Variants in EGFL6 observed in about 807,000 individuals in gnomAD.
The protein encoded by EGFL6 is EGF like domain multiple 6.
EGFL6 carries 42 observed loss-of-function variants against 43.1 expected under a neutral mutation model. That is an observed-to-expected ratio of 0.98 (90% CI 0.76 to 1.26). The LOEUF (loss-of-function observed/expected upper bound fraction) is 1.26. Ranked by LOEUF, EGFL6 falls within the 50% of genes most tolerant of loss-of-function variation. The pLI is 0.00. For missense variants in EGFL6, 429 were observed against 427.8 expected (o/e 1.00, Z -0.02); for synonymous variants, 164 against 163.2 (o/e 1.01, Z -0.04).
intron 1 of EGFL6, among the ~76,000 whole-genome samples, chrX:13,572,528 T>C (rs183288030): frequency 1.8e-5 from 2 of 112,455 alleles, no homozygotes; most frequent in East Asian, 5.5e-4. Context: ...GAACTCCATC[T>C]CGAGTGTTCT....
At chrX:13,616,571 C>T (rs1312904006) in intron 7 of EGFL6, among the ~76,000 whole-genome samples, 1 of 108,788 alleles carries the variant, frequency 9.2e-6, no homozygotes, top group Non-Finnish European at 1.9e-5. Context: ...GATCATGCCA[C>T]TGCACTCCAG....
chrX:13,606,976 T>C (rs1200898325), intron 6 of EGFL6, among the ~76,000 whole-genome samples: 1 of 112,012 alleles, frequency 8.9e-6, no homozygotes, highest in Non-Finnish European at 1.9e-5. Context: ...ATGAGAGACA[T>C]GAAGGCCTAT....
rs1179700437 is a variant in EGFL6 at position 13,577,319 on chromosome X, TATATATATATATATATATATATACATAC to T, written c.74+7386_74+7413del. ...AATTTTATATATATATATATATATA[TATATATATATATATATATATATACATAC>T]ACACACACACATACAGTATAGCATT... On this transcript the variant is annotated intron_variant, in intron 1 of 11. Transcript: ENST00000361306. Among the ~76,000 whole-genome samples the T allele has an allele frequency of 5.0e-4, 9 of 18,002 alleles. No individual in the cohort carries two copies. The East Asian group carries it at 0.024, about 49-fold the overall frequency. 15.6% of individuals were successfully genotyped at this position (18,002 alleles called of 115,157 possible).
At chrX:13,616,196 C>A (rs186922616) in intron 7 of EGFL6, among the ~76,000 whole-genome samples, 2 of 111,283 alleles carry the variant, frequency 1.8e-5, no homozygotes, top group African/African-American at 6.5e-5. Context: ...TGAGTATATC[C>A]CTGAAAAGGA....
intron 1 of EGFL6, among the ~76,000 whole-genome samples, chrX:13,589,092 C>T (rs1441184178): frequency 1.8e-5 from 2 of 111,880 alleles, no homozygotes; most frequent in South Asian, 3.8e-4. Flanking sequence ...CTTTGCTGAA[C>T]GAGCCCTTCC....
chrX:13,627,075 A>C lies in EGFL6; in HGVS notation c.1350A>C (p.Lys450Asn), dbSNP rs751340519. The change falls in exon 11 of 12, where the codon AAA becomes AAC. Residue 450 changes from lysine (K) to asparagine (N), a missense_variant. Physicochemically the swap from Lys to Asn is moderately conservative, Grantham distance 94. Transcript: ENST00000361306. The stretch of plus-strand genomic sequence containing the variant: ...ACAAGAAAGACATTGGCCGATTGAA[A>C]CTTCTCCTACCTGACCTGCAACCCC... ...AGHKKDIGRL[K>N]LLLPDLQPQS... 35 of 1,210,592 alleles carry C rather than the reference A, an allele frequency of 2.9e-5. No individual in the cohort carries two copies. The East Asian group carries it at 3.8e-4, about 13-fold the overall frequency.
chrX:13,595,054 G>A, intron 3 of EGFL6, 126 bp downstream of exon 3: 3 of 422,500 alleles, frequency 7.1e-6, no homozygotes, highest in Non-Finnish European at 7.5e-6. Flanking sequence ...GGTGCTTTCA[G>A]GACAAGTTTT....
intron 10 of EGFL6, among the ~76,000 whole-genome samples, chrX:13,624,365 T>C (rs2045767194): frequency 8.9e-6 from 1 of 111,910 alleles, no homozygotes; most frequent in South Asian, 3.7e-4. Context: ...CCTGGTGTTT[T>C]AGTAGAGTGG....
chrX:13,607,434 C>T (rs5934118), intron 6 of EGFL6, among the ~76,000 whole-genome samples: 11,252 of 111,525 alleles, frequency 0.1, 541 homozygotes, highest in African/African-American at 0.19. Context: ...TTCGAACCAT[C>T]TTGTGAAGCC....
rs928919328 is a variant in EGFL6, at chrX:13,593,071, C to T, written c.188-1765C>T. Among the ~76,000 whole-genome samples the T allele has an allele frequency of 8.2e-5, 9 of 109,517 alleles. No homozygotes were observed. In the South Asian group the frequency reaches 1.2e-3, roughly 15 times the overall value. ...CTAGGATTACAGGTGCCCGCCACCA[C>T]GCCTGGCTAATTTTTGTATTTTTAG... On this transcript the variant is annotated intron_variant, in intron 2 of 11. Transcript: ENST00000361306.
At position 13,617,770 on chromosome X, in the gene EGFL6, T is replaced by A; in HGVS notation, c.819T>A (p.Pro273=). 8.3e-7 allele frequency: 1 copy of A among 1,211,572 alleles called. No individual in the cohort carries two copies. The highest frequency in any genetic ancestry group is 1.1e-6 in the Non-Finnish European group (1 of 895,360). ...CTGTGAAGGAAGTCCTCAGAGCACC[T>A]GGTACCATCAAAGACAGAATCAAGA... The part of the protein sequence containing the change: ...ENSVKEVLRA[P]GTIKDRIKKL... Residue 273 remains proline (P), a synonymous_variant, in exon 8 of 12, where the codon CCT becomes CCA. Coordinates refer to ENST00000361306, the MANE Select transcript of EGFL6 (RefSeq NM_015507.4).
chrX:13,593,064 G>A (rs1322254344), intron 2 of EGFL6, among the ~76,000 whole-genome samples: 3 of 109,195 alleles, frequency 2.7e-5, no homozygotes, highest in Non-Finnish European at 5.7e-5. Context: ...ACAGGTGCCC[G>A]CCACCACGCC....
In EGFL6 at chrX:13,600,103, C is replaced by G. The variant is rs1226283420; in HGVS notation, c.400+9C>G. ...AGATGCTACGTGTGTGAGTAAGTTT[C>G]AACAGCCAGGCTGATCTCAGTCAAT... is the stretch of plus-strand genomic sequence containing the variant. On this transcript the variant is annotated intron_variant, in intron 4 of 11. Coordinates refer to ENST00000361306, the MANE Select transcript of EGFL6 (RefSeq NM_015507.4). The G allele has an allele frequency of 8.3e-7, 1 of 1,207,748 alleles. No individual in the cohort carries two copies. The highest frequency in any genetic ancestry group is 3.0e-5 in the East Asian group (1 of 33,672).
intron 7 of EGFL6, among the ~76,000 whole-genome samples, chrX:13,610,393 A>G (rs981438917): frequency 8.9e-6 from 1 of 111,828 alleles, no homozygotes; most frequent in Non-Finnish European, 1.9e-5. Flanking sequence ...CCTGGCTTGC[A>G]GGCTGGGGGC....
chrX:13,630,991 T>C (rs969635822), intron 11 of EGFL6, among the ~76,000 whole-genome samples: 1 of 112,368 alleles, frequency 8.9e-6, no homozygotes, highest in African/African-American at 3.2e-5. Context: ...AATTACTTTT[T>C]TGAAAATAAG....
At chrX:13,570,703 A>G (rs994739516) in intron 1 of EGFL6, among the ~76,000 whole-genome samples, 2 of 112,080 alleles carry the variant, frequency 1.8e-5, no homozygotes, top group African/African-American at 6.5e-5. Context: ...ACCCAAAGCC[A>G]TAATGGCTCT....
At chrX:13,582,797 T>C (rs376569390) in intron 1 of EGFL6, among the ~76,000 whole-genome samples, 10 of 111,653 alleles carry the variant, frequency 9.0e-5, no homozygotes, top group African/African-American at 3.3e-4. Context: ...GCAGTATTCT[T>C]TGCAATCCCA....
At chrX:13,575,525 C>T (rs2045467016) in intron 1 of EGFL6, among the ~76,000 whole-genome samples, 1 of 112,179 alleles carries the variant, frequency 8.9e-6, no homozygotes, top group Non-Finnish European at 1.9e-5. Flanking sequence ...ACCAACCCTA[C>T]CAACACCTTG....
chrX:13,579,766 C>G (rs149705302), intron 1 of EGFL6, among the ~76,000 whole-genome samples: 3,610 of 110,710 alleles, frequency 0.033, 132 homozygotes, highest in African/African-American at 0.11. Context: ...AGTTGTTGAT[C>G]AATGCTATAG....
Sources: gnomAD v4.1 joint callset for allele counts (sites outside exome capture counted in the v4.1 genomes callset) on GRCh38, gnomAD v4.1.1 for gene constraint, MANE v1.5 for transcripts, NCBI Gene and HGNC (gene_info 2026-07-23, HGNC 2026-07-21) for gene names.